NMU: variants seen among roughly 807,000 people sequenced by gnomAD.
The protein encoded by NMU is neuromedin-U.
A neutral mutation model predicts 35.4 loss-of-function variants in NMU; 29 were observed. That is an observed-to-expected ratio of 0.82 (90% CI 0.61 to 1.12). The LOEUF (loss-of-function observed/expected upper bound fraction) is 1.12. Ranked by LOEUF, NMU falls within the 50% of genes most tolerant of loss-of-function variation. The pLI, the probability that NMU is intolerant of heterozygous loss-of-function variation, is 0.00. For missense variants in NMU, 199 were observed against 206.2 expected, an observed-to-expected ratio of 0.97 and a Z score of 0.21; for synonymous variants, 78 against 81.3, an observed-to-expected ratio of 0.96 and a Z score of 0.22.
chr4:55,601,830 T>TA (rs1334626367), intron 7 of NMU, among the ~76,000 whole-genome samples: 2 of 151,432 alleles, frequency 1.3e-5, no homozygotes, highest in Non-Finnish European at 2.9e-5. Flanking sequence ...CTACAAATAA[T>TA]AAAAAAATTT....
intron 2 of NMU, among the ~76,000 whole-genome samples, chr4:55,618,574 TTTTC>T (rs1025824221): frequency 2.1e-4 from 32 of 152,150 alleles, no homozygotes; most frequent in East Asian, 1.5e-3. Context: ...CCTTTCTTTC[TTTTC>T]TTTCTTTCTT....
chr4:55,615,091 C>T (rs1239266411), intron 3 of NMU, among the ~76,000 whole-genome samples: 1 of 152,192 alleles, frequency 6.6e-6, no homozygotes, highest in African/African-American at 2.4e-5. Flanking sequence ...AGGGAGTATG[C>T]CGCAGGCGCA....
At chr4:55,627,535 A>G (rs1734582719) in intron 2 of NMU, among the ~76,000 whole-genome samples, 1 of 152,190 alleles carries the variant, frequency 6.6e-6, no homozygotes, top group South Asian at 2.1e-4. Context: ...CCAAATATAT[A>G]TATCATCATC....
At chr4:55,611,642 A>G (rs1226844678) in intron 3 of NMU, among the ~76,000 whole-genome samples, 1 of 152,138 alleles carries the variant, frequency 6.6e-6, no homozygotes, top group East Asian at 1.9e-4. Flanking sequence ...TTATGTATTT[A>G]CTGTACCTTT....
At chr4:55,599,646 T>G (rs1733345886) in intron 8 of NMU, among the ~76,000 whole-genome samples, 1 of 152,126 alleles carries the variant, frequency 6.6e-6, no homozygotes, top group South Asian at 2.1e-4. Flanking sequence ...ATTTGCCCCC[T>G]CCTTAGCCTT....
intron 2 of NMU, among the ~76,000 whole-genome samples, chr4:55,616,910 G>T (rs185624803): frequency 1.3e-5 from 2 of 152,172 alleles, no homozygotes; most frequent in East Asian, 3.9e-4. Context: ...TATAATGAGG[G>T]TTTATTGAGC....
intron 6 of NMU, among the ~76,000 whole-genome samples, chr4:55,606,930 G>A (rs148092921): frequency 0.014 from 2,062 of 151,998 alleles, 53 homozygotes; most frequent in African/African-American, 0.046. Flanking sequence ...CTCCCGCCTC[G>A]GCCTCCCAAA....
intron 4 of NMU, among the ~76,000 whole-genome samples, chr4:55,608,275 G>A (rs1333781114): frequency 2.0e-5 from 3 of 150,974 alleles, no homozygotes; most frequent in South Asian, 2.1e-4. Context: ...AATAAACACC[G>A]TTGTCATTTC....
intron 2 of NMU, among the ~76,000 whole-genome samples, 177 bp from the exon 3 acceptor site, chr4:55,616,562 C>A (rs1734115137): frequency 1.3e-5 from 2 of 152,176 alleles, no homozygotes; most frequent in African/African-American, 4.8e-5. Context: ...GGAAATGAGA[C>A]TTCCCTCAAG....
At chr4:55,603,949 A>G (rs1482685268) in intron 7 of NMU, among the ~76,000 whole-genome samples, 47 of 120,542 alleles carry the variant, frequency 3.9e-4, no homozygotes, top group East Asian at 7.4e-4. Context: ...ATATATATGT[A>G]TATATGTGTA....
Position 55,616,531 on chromosome 4 carries a change from A to C in NMU, c.172-146T>G, listed in dbSNP as rs953147767. The C allele has an allele frequency of 3.4e-5, 24 of 698,826 alleles. No homozygotes were observed. The African/African-American group carries it at 4.1e-4, about 12-fold the overall frequency. 43.3% of individuals were successfully genotyped at this position (698,826 alleles called of 1,614,324 possible). A position where few individuals can be genotyped will look rare whatever the true frequency, so the allele number is the denominator to read the frequency against. On this transcript the variant is annotated intron_variant, in intron 2 of 9. Coordinates refer to ENST00000264218, the MANE Select transcript of NMU (RefSeq NM_006681.4). ...CTGGATTTGGAAGACAGGAGCCTCA[A>C]AAACTTTATAAGAGAGTCTTGGAAA...
intron 3 of NMU, among the ~76,000 whole-genome samples, chr4:55,611,723 G>A (rs1173006263): frequency 1.3e-5 from 2 of 152,184 alleles, no homozygotes; most frequent in Non-Finnish European, 2.9e-5. Context: ...GTAATGTGCT[G>A]TACAGGTTTG....
intron 2 of NMU, among the ~76,000 whole-genome samples, chr4:55,626,854 C>T (rs1024428374): frequency 2.0e-5 from 3 of 152,156 alleles, no homozygotes; most frequent in East Asian, 1.9e-4. Context: ...AAGTTTCTTA[C>T]GATTTATATT....
intron 2 of NMU, among the ~76,000 whole-genome samples, chr4:55,616,587 G>A (rs1016107267): frequency 6.6e-6 from 1 of 152,152 alleles, no homozygotes; most frequent in Non-Finnish European, 1.5e-5. Context: ...CCCCCTGACC[G>A]CAGGGTATAC....
rs776854189 is a variant in NMU, at chr4:55,603,945, A to ATGTG, written c.435+1329_435+1330insCACA. Among the ~76,000 whole-genome samples the ATGTG allele has an allele frequency of 7.6e-5, 8 of 105,588 alleles. 1 individual carries two copies. The highest frequency in any genetic ancestry group is 1.6e-4 in the Non-Finnish European group (8 of 49,828). 69.3% of individuals were successfully genotyped at this position (105,588 alleles called of 152,430 possible). A position where few individuals can be genotyped will look rare whatever the true frequency, so the allele number is the denominator to read the frequency against. Reference sequence around the variant, plus strand: ...AAAAAAAATATATATATATATATATATGTATATATGTGTATATATATACGT... The same window carrying ATGTG: ...AAAAAAAATATATATATATATATATATGTGTGTATATATGTGTATATATATACGT... On this transcript the variant is annotated intron_variant, in intron 7 of 9. Coordinates refer to ENST00000264218, the MANE Select transcript of NMU (RefSeq NM_006681.4).
intron 1 of NMU, among the ~76,000 whole-genome samples, 195 bp from the exon 2 acceptor site, chr4:55,630,655 A>T (rs1484248050): frequency 6.6e-6 from 1 of 152,188 alleles, no homozygotes; most frequent in Non-Finnish European, 1.5e-5. Context: ...TTACGAAGAT[A>T]TTACTCTCAA....
chr4:55,613,313 A>C (rs1208304277), intron 3 of NMU, among the ~76,000 whole-genome samples: 1 of 152,152 alleles, frequency 6.6e-6, no homozygotes, highest in East Asian at 1.9e-4. Flanking sequence ...TTAAAAAAAA[A>C]ATTATTTAGG....
At chr4:55,595,750 C>T (rs1733157550) in intron 9 of NMU, among the ~76,000 whole-genome samples, 1 of 150,698 alleles carries the variant, frequency 6.6e-6, no homozygotes, top group African/African-American at 2.4e-5. Flanking sequence ...AAGCAATTCT[C>T]CTGCCTCAGC....
At position 55,596,899 on chromosome 4, in the gene NMU, G is replaced by T. The variant is rs1027634831; in HGVS notation, c.*5-1488C>A. Among the ~76,000 whole-genome samples, 12 of 152,274 alleles carry T rather than the reference G, an allele frequency of 7.9e-5. 1 individual carries two copies. Among genetic ancestry groups the T allele is most frequent in the Admixed American group, 5.2e-4 (8 of 15,298 alleles). The stretch of plus-strand genomic sequence containing the variant: ...GTCAGCTACTGTACTAACTTGGTTT[G>T]AGACCATTGTATAAATCATGTCAAG... On this transcript the variant is annotated intron_variant, in intron 9 of 9. Transcript: ENST00000264218.
Sources: gnomAD v4.1 joint callset for allele counts (sites outside exome capture counted in the v4.1 genomes callset) on GRCh38, gnomAD v4.1.1 for gene constraint, MANE v1.5 for transcripts, NCBI Gene and HGNC (gene_info 2026-07-23, HGNC 2026-07-21) for gene names.